The following MARCHF1 variants were observed in gnomAD, a reference collection of about 807,000 sequenced individuals.
MARCHF1 encodes E3 ubiquitin-protein ligase MARCHF1.
Under a neutral mutation model 54.2 loss-of-function variants are expected in MARCHF1, and 40 were observed. The observed-to-expected ratio is 0.74, with a 90% CI of 0.57 to 0.96. The LOEUF is 0.96. MARCHF1 is among the 40% of genes least tolerant of loss of function. MARCHF1 has a pLI of 0.00. For synonymous variants in MARCHF1, 236 were observed against 236.3 expected (o/e 1.00, Z 0.01); for missense variants, 586 against 656.5 (o/e 0.89, Z 1.17).
At chr4:164,024,848 C>T (rs1460755101) in intron 2 of MARCHF1, among the ~76,000 whole-genome samples, 2 of 152,084 alleles carry the variant, frequency 1.3e-5, no homozygotes, top group African/African-American at 4.8e-5. Flanking sequence ...ACCCATCTCA[C>T]ATGTAGTGAT....
Position 164,338,700 on chromosome 4 carries a change from C to T in MARCHF1, c.-323+45170G>A, listed in dbSNP as rs1186737258. On this transcript the variant is annotated intron_variant, in intron 1 of 9. Transcript: ENST00000514618. Reference sequence around the variant, plus strand: ...TAAAGAAGTAAATTCAGGTTGGGTGCGGTGGCTCATGCCTGTAATCCCAGC... The same window carrying T: ...TAAAGAAGTAAATTCAGGTTGGGTGTGGTGGCTCATGCCTGTAATCCCAGC... Among the ~76,000 whole-genome samples the T allele has an allele frequency of 3.3e-5, 5 of 152,142 alleles. No individual in the cohort carries two copies. The East Asian group carries it at 5.8e-4, about 18-fold the overall frequency.
At chr4:163,743,562 A>G (rs1417035379) in intron 4 of MARCHF1, among the ~76,000 whole-genome samples, 2 of 150,328 alleles carry the variant, frequency 1.3e-5, no homozygotes, top group Non-Finnish European at 2.9e-5. Context: ...AAGCAATGGA[A>G]AGATGATACA....
At chr4:163,813,040 G>A (rs998045364) in intron 4 of MARCHF1, among the ~76,000 whole-genome samples, 3 of 152,124 alleles carry the variant, frequency 2.0e-5, no homozygotes, top group African/African-American at 7.2e-5. Flanking sequence ...TATGATTTTA[G>A]AGCTTTGTGG....
intron 4 of MARCHF1, among the ~76,000 whole-genome samples, chr4:163,783,343 G>C (rs1322643079): frequency 6.6e-6 from 1 of 152,214 alleles, no homozygotes; most frequent in African/African-American, 2.4e-5. Context: ...GCTTAAACAG[G>C]AATGTATTTA....
At chr4:164,238,584 T>TA (rs1168840493) in intron 1 of MARCHF1, among the ~76,000 whole-genome samples, 2 of 151,948 alleles carry the variant, frequency 1.3e-5, no homozygotes, top group Admixed American at 6.6e-5. Context: ...AAGTAAGAGA[T>TA]AAAAAAATCC....
At chr4:164,211,400 A>G (rs1440216790) in intron 1 of MARCHF1, among the ~76,000 whole-genome samples, 1 of 148,940 alleles carries the variant, frequency 6.7e-6, no homozygotes, top group African/African-American at 2.5e-5. Flanking sequence ...ACACACACAT[A>G]TATATATATA....
intron 3 of MARCHF1, among the ~76,000 whole-genome samples, chr4:163,893,153 T>G (rs1579371654): frequency 6.6e-6 from 1 of 152,032 alleles, no homozygotes; most frequent in Admixed American, 6.6e-5. Flanking sequence ...AAAAAATTTT[T>G]TTTTGAGATG....
chr4:163,922,147 T>C (rs776841920), intron 3 of MARCHF1, among the ~76,000 whole-genome samples: 1 of 140,524 alleles, frequency 7.1e-6, no homozygotes, highest in Non-Finnish European at 1.5e-5. Flanking sequence ...TCCTCACTCA[T>C]AGGTGGGAAT....
intron 5 of MARCHF1, among the ~76,000 whole-genome samples, chr4:163,627,316 T>A (rs1024102226): frequency 6.6e-6 from 1 of 152,196 alleles, no homozygotes; most frequent in Admixed American, 6.5e-5. Flanking sequence ...CTTTGTGGTT[T>A]CTTCCACTGC....
intron 3 of MARCHF1, among the ~76,000 whole-genome samples, chr4:163,922,174 A>G (rs541612350): frequency 8.1e-6 from 1 of 123,472 alleles, no homozygotes; most frequent in East Asian, 2.7e-4. Context: ...ATGGGAACAC[A>G]TGGATGCGGG....
chr4:163,822,990 G>A (rs982065961), intron 4 of MARCHF1, among the ~76,000 whole-genome samples: 2 of 151,694 alleles, frequency 1.3e-5, no homozygotes, highest in African/African-American at 4.8e-5. Flanking sequence ...TTTTCCACAC[G>A]CTGTTAGATC....
chr4:163,940,115 T>C (rs1751881712), intron 3 of MARCHF1, among the ~76,000 whole-genome samples: 1 of 152,136 alleles, frequency 6.6e-6, no homozygotes, highest in Admixed American at 6.6e-5. Context: ...AATGATAAGA[T>C]GGCCATCTGC....
In MARCHF1 at chr4:163,934,806, C is replaced by T. The variant is rs137930037; in HGVS notation, c.-39+53695G>A. 4.2e-3 allele frequency among the ~76,000 whole-genome samples: 640 copies of T among 151,854 alleles called. 10 individuals carry two copies. Among genetic ancestry groups the T allele is most frequent in the Admixed American group, 0.03 (450 of 15,236 alleles). On this transcript the variant is annotated intron_variant, in intron 3 of 9. Transcript: ENST00000514618. The stretch of plus-strand genomic sequence containing the variant: ...GTCAAGTTAGTCAACTGAACTTGAC[C>T]GAACTGAAGTTGACTAACTGAAGTT...
intron 1 of MARCHF1, among the ~76,000 whole-genome samples, chr4:164,168,334 T>C (rs370033124): frequency 4.0e-4 from 61 of 152,132 alleles, no homozygotes; most frequent in East Asian, 1.4e-3. Flanking sequence ...GGAATGTAGA[T>C]TGGTACAGCC....
At chr4:163,648,118 G>C (rs1742827964) in intron 5 of MARCHF1, among the ~76,000 whole-genome samples, 1 of 151,818 alleles carries the variant, frequency 6.6e-6, no homozygotes, top group African/African-American at 2.4e-5. Flanking sequence ...ACCTAATAAA[G>C]TTTTTCTATT....
intron 3 of MARCHF1, among the ~76,000 whole-genome samples, chr4:163,983,019 G>A (rs1378788753): frequency 6.6e-6 from 1 of 152,132 alleles, no homozygotes; most frequent in African/African-American, 2.4e-5. Flanking sequence ...ACTGAGAATG[G>A]GGAGGGTTGG....
At chr4:163,723,445 C>A (rs1184783620) in intron 4 of MARCHF1, among the ~76,000 whole-genome samples, 3 of 152,210 alleles carry the variant, frequency 2.0e-5, no homozygotes, top group African/African-American at 4.8e-5. Context: ...TTCTCTCTGG[C>A]TGCCCTTAAC....
chr4:164,077,261 C>G (rs1050319327), intron 2 of MARCHF1, among the ~76,000 whole-genome samples: 7 of 152,008 alleles, frequency 4.6e-5, no homozygotes, highest in Non-Finnish European at 8.8e-5. Flanking sequence ...ACAAACCTGA[C>G]AAAAACAAGC....
At chr4:163,746,972 C>T (rs1746379881) in intron 4 of MARCHF1, among the ~76,000 whole-genome samples, 1 of 152,188 alleles carries the variant, frequency 6.6e-6, no homozygotes, top group Non-Finnish European at 1.5e-5. Flanking sequence ...ATCTTGAGCA[C>T]ATTTTCAAAG....
Sources: gnomAD v4.1 joint callset for allele counts (sites outside exome capture counted in the v4.1 genomes callset) on GRCh38, gnomAD v4.1.1 for gene constraint, MANE v1.5 for transcripts, NCBI Gene and HGNC (gene_info 2026-07-23, HGNC 2026-07-21) for gene names.